OLFM3: variants seen among roughly 807,000 people sequenced by gnomAD.
The protein encoded by OLFM3 is noelin-3.
A neutral mutation model predicts 48.6 loss-of-function variants in OLFM3; 20 were observed. The ratio of observed to expected loss-of-function variants is 0.41; its 90% CI spans 0.29 to 0.60. The LOEUF (loss-of-function observed/expected upper bound fraction) is 0.60. Among genes scored for constraint, OLFM3 ranks in the 20% least tolerant of loss-of-function variants. The pLI is 0.28. For synonymous variants in OLFM3, 222 were observed against 198.1 expected (o/e 1.12, Z -1.01); for missense variants, 437 against 544.3 (o/e 0.80, Z 1.96).
chr1:101,885,573 C>T (rs1482535314), intron 1 of OLFM3, among the ~76,000 whole-genome samples: 2 of 152,034 alleles, frequency 1.3e-5, no homozygotes, highest in African/African-American at 4.8e-5. Flanking sequence ...AGAACAGCCC[C>T]TTCTCTTCCT....
intron 3 of OLFM3, among the ~76,000 whole-genome samples, chr1:101,829,935 C>T (rs373121712): frequency 8.6e-5 from 13 of 151,742 alleles, no homozygotes; most frequent in East Asian, 5.8e-4. Context: ...CCCAGGTTCA[C>T]GCCATCCTCC....
intron 1 of OLFM3, among the ~76,000 whole-genome samples, chr1:101,944,283 AC>A (rs1659887926): frequency 6.6e-6 from 1 of 152,124 alleles, no homozygotes; most frequent in Admixed American, 6.5e-5. Flanking sequence ...CAGAACATAC[AC>A]TAAAATTTAC....
At chr1:101,931,573 T>A (rs1331989005) in intron 1 of OLFM3, among the ~76,000 whole-genome samples, 2 of 152,196 alleles carry the variant, frequency 1.3e-5, no homozygotes, top group Non-Finnish European at 2.9e-5. Context: ...AAAGAGAATA[T>A]ACAGCAAAGT....
At chr1:101,808,277 A>G (rs886861948) in intron 4 of OLFM3, among the ~76,000 whole-genome samples, 1 of 151,774 alleles carries the variant, frequency 6.6e-6, no homozygotes, top group African/African-American at 2.4e-5. Flanking sequence ...AAAACAAAAG[A>G]AAAAAAGCAA....
intron 1 of OLFM3, among the ~76,000 whole-genome samples, chr1:101,947,270 T>G (rs1659991478): frequency 6.6e-6 from 1 of 152,202 alleles, no homozygotes; most frequent in Non-Finnish European, 1.5e-5. Flanking sequence ...GATTTGAATT[T>G]TACCAGGAGA....
intron 1 of OLFM3, among the ~76,000 whole-genome samples, chr1:101,996,458 C>T (rs916988675): frequency 1.3e-5 from 2 of 152,174 alleles, no homozygotes; most frequent in African/African-American, 4.8e-5. Context: ...GAGCATTAAG[C>T]AGTTGGACAC....
intron 1 of OLFM3, among the ~76,000 whole-genome samples, chr1:101,913,755 G>A (rs1658835794): frequency 6.6e-6 from 1 of 151,232 alleles, no homozygotes; most frequent in Admixed American, 6.6e-5. Context: ...CCATTAAGTG[G>A]CAATAGTAAG....
chr1:101,918,563 C>CTTTTTT (rs55766537), intron 1 of OLFM3, among the ~76,000 whole-genome samples: 26,212 of 142,478 alleles, frequency 0.18, 2,846 homozygotes, highest in Non-Finnish European at 0.25. Flanking sequence ...CTCCTTCCTC[C>CTTTTTT]TTTTTTTTTT....
intron 1 of OLFM3, among the ~76,000 whole-genome samples, chr1:101,937,565 GCTCT>G (rs1229963776): frequency 2.6e-5 from 4 of 152,100 alleles, no homozygotes; most frequent in African/African-American, 7.2e-5. Flanking sequence ...CTCTGCACAA[GCTCT>G]CTATTTGTCT....
At chr1:101,829,206 T>C (rs1166590005) in intron 3 of OLFM3, among the ~76,000 whole-genome samples, 2 of 152,204 alleles carry the variant, frequency 1.3e-5, no homozygotes, top group African/African-American at 2.4e-5. Context: ...CATCCTCATA[T>C]TCTTCTCTGT....
intron 1 of OLFM3, among the ~76,000 whole-genome samples, chr1:101,994,167 G>A (rs2101125802): frequency 6.6e-6 from 1 of 151,114 alleles, no homozygotes; most frequent in South Asian, 2.1e-4. Flanking sequence ...TTCCCATTTT[G>A]CCAGTTTCTG....
intron 1 of OLFM3, among the ~76,000 whole-genome samples, chr1:101,933,835 C>A (rs534888089): frequency 2.5e-4 from 38 of 152,102 alleles, no homozygotes; most frequent in Non-Finnish European, 5.0e-4. Context: ...AAAAAAAAAT[C>A]CGAAGAAGAA....
chr1:101,943,681 A>G lies in OLFM3; in HGVS notation c.69+53067T>C, dbSNP rs555869366. The stretch of plus-strand genomic sequence containing the variant: ...AACTTAATTTGCCAATATATTAATT[A>G]TCAGCTTTAGCTGGAATGTTTTCTT... On this transcript the variant is annotated intron_variant, in intron 1 of 5. Coordinates refer to ENST00000370103, the MANE Select transcript of OLFM3 (RefSeq NM_058170.4). 4.6e-5 allele frequency among the ~76,000 whole-genome samples: 7 copies of G among 152,300 alleles called. No individual in the cohort carries two copies. The East Asian group carries it at 1.3e-3, about 29-fold the overall frequency.
At chr1:101,954,674 CAG>C (rs1203377150) in intron 1 of OLFM3, among the ~76,000 whole-genome samples, 2 of 152,034 alleles carry the variant, frequency 1.3e-5, no homozygotes, top group East Asian at 1.9e-4. Flanking sequence ...AGGCAAATAA[CAG>C]TGTTTCTAAT....
rs200235119 is a variant in OLFM3, at chr1:101,803,992, CT to C, written c.*245del. On this transcript the variant is annotated 3_prime_UTR_variant, in exon 6 of 6. Coordinates refer to ENST00000370103, the MANE Select transcript of OLFM3 (RefSeq NM_058170.4). ...AACTATGACTTTAGCCACTTAAACT[CT>C]TTTTTTTTTTAGTGCTTTTCATGAC... 0.019 allele frequency: 4,956 copies of C among 258,784 alleles called. 2 individuals carry two copies. Among genetic ancestry groups the C allele is most frequent in the Middle Eastern group, 0.036 (32 of 878 alleles). The allele number at this position is 258,784 out of a possible 1,614,324, so 16.0% of individuals were successfully genotyped here.
intron 4 of OLFM3, among the ~76,000 whole-genome samples, chr1:101,821,452 GTAACCATGTGGCTTTA>G (rs1296232679): frequency 2.6e-5 from 4 of 151,464 alleles, no homozygotes; most frequent in African/African-American, 9.7e-5. Context: ...TATTTTTTCA[GTAACCATGTGGCTTTA>G]TACTTCACTG....
intron 1 of OLFM3, among the ~76,000 whole-genome samples, chr1:101,946,167 G>A (rs4596922): frequency 0.4 from 61,003 of 151,964 alleles, 12,535 homozygotes; most frequent in East Asian, 0.51. Context: ...AAAGAGAAAA[G>A]CAGTGTAAAA....
chr1:101,969,133 C>G (rs1327993583), intron 1 of OLFM3, among the ~76,000 whole-genome samples: 3 of 151,994 alleles, frequency 2.0e-5, no homozygotes, highest in Non-Finnish European at 4.4e-5. Context: ...ACTAACTAAA[C>G]CATGTCTTAC....
At chr1:101,819,934 G>A (rs1014455920) in intron 4 of OLFM3, among the ~76,000 whole-genome samples, 3 of 151,936 alleles carry the variant, frequency 2.0e-5, no homozygotes, top group Non-Finnish European at 2.9e-5. Flanking sequence ...CTGGCCTAGC[G>A]CTTGTCAAGC....
Sources: gnomAD v4.1 joint callset for allele counts (sites outside exome capture counted in the v4.1 genomes callset) on GRCh38, gnomAD v4.1.1 for gene constraint, MANE v1.5 for transcripts, NCBI Gene and HGNC (gene_info 2026-07-23, HGNC 2026-07-21) for gene names.